Variants in PDZRN4 observed in about 807,000 individuals in gnomAD.
PDZRN4 encodes PDZ domain-containing RING finger protein 4.
In PDZRN4, 70 loss-of-function variants were observed where a neutral mutation model predicts 99.0. That is an observed-to-expected ratio of 0.71 (90% CI 0.58 to 0.86). PDZRN4 has a LOEUF of 0.86. PDZRN4 is among the 40% of genes least tolerant of loss of function. The probability of loss-of-function intolerance (pLI) is 0.00; values close to 1 mark genes in which losing one functional copy is unlikely to be tolerated. For missense variants in PDZRN4, 1,474 were observed against 1,331.2 expected, an observed-to-expected ratio of 1.11 and a Z score of -1.67; for synonymous variants, 551 against 501.6, an observed-to-expected ratio of 1.10 and a Z score of -1.32.
rs937273647 is a variant in PDZRN4 at position 41,562,884 on chromosome 12, T to C, written c.1366-664T>C. On this transcript the variant is annotated intron_variant, in intron 7 of 9. Coordinates refer to ENST00000402685, the MANE Select transcript of PDZRN4 (RefSeq NM_001164595.2). ...GTTAATATTTTTTAAATTTTTAAAT[T>C]TAAGAGATGAGTCTGAAGATATTTC... 3.9e-5 allele frequency among the ~76,000 whole-genome samples: 6 copies of C among 152,282 alleles called. No individual in the cohort carries two copies. The South Asian group carries it at 1.2e-3, about 32-fold the overall frequency.
intron 3 of PDZRN4, among the ~76,000 whole-genome samples, chr12:41,417,840 G>A (rs937807787): frequency 6.6e-6 from 1 of 152,204 alleles, no homozygotes. Flanking sequence ...GAACTGTAAG[G>A]GAGAAGACAC....
chr12:41,481,799 G>A (rs1329613243), intron 3 of PDZRN4, among the ~76,000 whole-genome samples: 1 of 151,942 alleles, frequency 6.6e-6, no homozygotes, highest in Non-Finnish European at 1.5e-5. Flanking sequence ...TAAATCGAGA[G>A]CCTCTCCAGA....
intron 3 of PDZRN4, chr12:41,460,056 C>G: frequency 1.6e-6 from 2 of 1,284,834 alleles, no homozygotes; most frequent in Non-Finnish European, 2.0e-6. Context: ...TCATTAAGCT[C>G]CTTGTGAATG....
chr12:41,259,469 A>G (rs904651167), intron 3 of PDZRN4, among the ~76,000 whole-genome samples: 7 of 152,172 alleles, frequency 4.6e-5, no homozygotes, highest in Admixed American at 6.5e-5. Context: ...TAACAAAACT[A>G]GCATGTCAAG....
chr12:41,188,777 CCTGCCCGCCGGCTCCGCAGCCGCGGGGG>C lies in PDZRN4; in HGVS notation c.327_354del (p.Arg110LeufsTer109). On this transcript the variant is annotated frameshift_variant, in exon 1 of 10. Transcript: ENST00000402685. LOFTEE classifies it high-confidence loss of function. ...GCACGTCGAGCACTGCGACTTCGGCCCTGCCCGCCGGCTCCGCAGCCGCGGGGGCTGCGCTTCGGGGCTGGGCGGTGGT... is the reference window on the plus strand; with the variant it reads ...GCACGTCGAGCACTGCGACTTCGGCCCTGCGCTTCGGGGCTGGGCGGTGGT... The C allele has an allele frequency of 7.2e-7, 1 of 1,393,624 alleles. No homozygotes were observed. The highest frequency in any genetic ancestry group is 1.5e-5 in the African/African-American group (1 of 66,588). 86.3% of individuals were successfully genotyped at this position (1,393,624 alleles called of 1,614,324 possible). A position where few individuals can be genotyped will look rare whatever the true frequency, so the allele number is the denominator to read the frequency against.
At chr12:41,380,741 A>G (rs1952118885) in intron 3 of PDZRN4, among the ~76,000 whole-genome samples, 1 of 152,058 alleles carries the variant, frequency 6.6e-6, no homozygotes, top group Non-Finnish European at 1.5e-5. Context: ...TACCTTTTAT[A>G]CCAAAGTTGA....
At chr12:41,519,218 C>T (rs1363212964) in intron 5 of PDZRN4, among the ~76,000 whole-genome samples, 1 of 152,024 alleles carries the variant, frequency 6.6e-6, no homozygotes, top group Non-Finnish European at 1.5e-5. Context: ...CCCAAATCTG[C>T]TTGTTCTTCT....
intron 9 of PDZRN4, among the ~76,000 whole-genome samples, chr12:41,570,698 C>A (rs532262122): frequency 6.6e-6 from 1 of 152,188 alleles, no homozygotes; most frequent in South Asian, 2.1e-4. Context: ...CAATAACATT[C>A]TTTGAGAGTT....
At chr12:41,207,870 C>T (rs535575803) in intron 3 of PDZRN4, among the ~76,000 whole-genome samples, 101 of 151,498 alleles carry the variant, frequency 6.7e-4, no homozygotes, top group Admixed American at 1.2e-3. Context: ...TTGTGGAGAC[C>T]TATGGAGTTG....
intron 3 of PDZRN4, among the ~76,000 whole-genome samples, chr12:41,332,167 C>T (rs569490687): frequency 6.6e-6 from 1 of 152,140 alleles, no homozygotes; most frequent in African/African-American, 2.4e-5. Context: ...CAGTTACACT[C>T]AAGTACCTGG....
intron 3 of PDZRN4, among the ~76,000 whole-genome samples, chr12:41,461,621 C>G (rs1952874556): frequency 6.6e-6 from 1 of 152,018 alleles, no homozygotes; most frequent in African/African-American, 2.4e-5. Context: ...CCAGATTTAC[C>G]CAAATACAAA....
intron 3 of PDZRN4, chr12:41,437,716 T>C: frequency 7.0e-7 from 1 of 1,428,870 alleles, no homozygotes; most frequent in Non-Finnish European, 9.1e-7. Context: ...GACTGGAAAC[T>C]CTGTGTGTGT....
intron 3 of PDZRN4, chr12:41,411,391 G>A (rs1952398582): frequency 6.6e-6 from 1 of 152,164 alleles, no homozygotes; most frequent in South Asian, 2.1e-4. Flanking sequence ...TGCCACCTTA[G>A]AGACACACCA....
intron 3 of PDZRN4, among the ~76,000 whole-genome samples, chr12:41,245,510 A>T (rs1308612538): frequency 6.6e-6 from 1 of 152,156 alleles, no homozygotes; most frequent in Non-Finnish European, 1.5e-5. Flanking sequence ...TATACACTGA[A>T]ATATATATGG....
At chr12:41,304,107 C>G (rs187459136) in intron 3 of PDZRN4, among the ~76,000 whole-genome samples, 1,860 of 152,186 alleles carry the variant, frequency 0.012, 15 homozygotes, top group Non-Finnish European at 0.019. Context: ...TGGGAATTTG[C>G]TGGGTAGAGA....
At chr12:41,478,891 T>TA (rs980067093) in intron 3 of PDZRN4, among the ~76,000 whole-genome samples, 2 of 152,084 alleles carry the variant, frequency 1.3e-5, no homozygotes, top group Non-Finnish European at 2.9e-5. Context: ...GAAACACACA[T>TA]AAAATGACAA....
chr12:41,291,615 C>T (rs1951457087), intron 3 of PDZRN4, among the ~76,000 whole-genome samples: 1 of 152,102 alleles, frequency 6.6e-6, no homozygotes, highest in African/African-American at 2.4e-5. Flanking sequence ...ACAGTAGGTG[C>T]TCAATACACT....
rs552275470 is a variant in PDZRN4, at chr12:41,279,112, G to C, written c.843+84924G>C. On this transcript the variant is annotated intron_variant, in intron 3 of 9. Transcript: ENST00000402685. Reference sequence around the variant, plus strand: ...GCACTGGGAAACCAGTTACACGCAGGGTTCGGGTATACAGTGTTTTTCAAA... The same window carrying C: ...GCACTGGGAAACCAGTTACACGCAGCGTTCGGGTATACAGTGTTTTTCAAA... 5.0e-4 allele frequency among the ~76,000 whole-genome samples: 76 copies of C among 152,252 alleles called. 1 individual carries two copies. The highest frequency in any genetic ancestry group is 8.8e-4 in the Non-Finnish European group (60 of 68,030).
intron 3 of PDZRN4, among the ~76,000 whole-genome samples, chr12:41,398,776 A>G (rs776894545): frequency 1.9e-4 from 29 of 152,276 alleles, no homozygotes; most frequent in South Asian, 2.1e-4. Flanking sequence ...CTGTATGTAA[A>G]TTATAATACA....
Sources: gnomAD v4.1 joint callset for allele counts (sites outside exome capture counted in the v4.1 genomes callset) on GRCh38, gnomAD v4.1.1 for gene constraint, MANE v1.5 for transcripts, NCBI Gene and HGNC (gene_info 2026-07-23, HGNC 2026-07-21) for gene names.